The following IL12RB2 variants were observed in gnomAD, a reference collection of about 807,000 sequenced individuals.
IL12RB2 encodes the protein interleukin 12 receptor subunit beta 2, also known as interleukin-12 receptor subunit beta-2.
A neutral mutation model predicts 89.4 loss-of-function variants in IL12RB2; 82 were observed. The ratio of observed to expected loss-of-function variants is 0.92; its 90% confidence interval spans 0.77 to 1.10. The LOEUF is 1.10. IL12RB2 is among the 50% of genes least tolerant of loss of function. The pLI is 0.00. For missense variants in IL12RB2, 963 were observed against 1,031.9 expected (o/e 0.93, Z 0.92); for synonymous variants, 368 against 370.1 (o/e 0.99, Z 0.07).
chr1:67,378,848 CAAA>C (rs56260019), intron 13 of IL12RB2, among the ~76,000 whole-genome samples: 1 of 91,924 alleles, frequency 1.1e-5, no homozygotes, highest in Non-Finnish European at 2.0e-5. Flanking sequence ...AGACTCTTCT[CAAA>C]AAAAAAAAAA....
At chr1:67,332,440 T>C (rs1199425341) in intron 8 of IL12RB2, among the ~76,000 whole-genome samples, 1 of 152,178 alleles carries the variant, frequency 6.6e-6, no homozygotes, top group African/African-American at 2.4e-5. Context: ...GGTCTCGAAC[T>C]CTTGACCTCA....
At chr1:67,391,969 C>T (rs1382342972) in intron 16 of IL12RB2, among the ~76,000 whole-genome samples, 1 of 152,116 alleles carries the variant, frequency 6.6e-6, no homozygotes, top group Non-Finnish European at 1.5e-5. Context: ...TCTTCATTTT[C>T]CGCATGAGGA....
At chr1:67,340,007 T>C (rs1252562129) in intron 9 of IL12RB2, among the ~76,000 whole-genome samples, 1 of 151,476 alleles carries the variant, frequency 6.6e-6, no homozygotes, top group East Asian at 1.9e-4. Flanking sequence ...TTTGGAATTA[T>C]GAATCTGAAT....
chr1:67,374,033 C>A (rs1253636899), intron 13 of IL12RB2, among the ~76,000 whole-genome samples: 1 of 152,144 alleles, frequency 6.6e-6, no homozygotes, highest in Admixed American at 6.5e-5. Flanking sequence ...CACACTTAGG[C>A]TGTTAACAGT....
At chr1:67,321,180 A>T (rs1656468391) in intron 3 of IL12RB2, among the ~76,000 whole-genome samples, 1 of 151,808 alleles carries the variant, frequency 6.6e-6, no homozygotes, top group Non-Finnish European at 1.5e-5. Flanking sequence ...TTTTCTTGGT[A>T]CAAGTATTTA....
intron 4 of IL12RB2, among the ~76,000 whole-genome samples, chr1:67,324,893 A>T (rs914704163): frequency 6.6e-6 from 1 of 152,124 alleles, no homozygotes; most frequent in African/African-American, 2.4e-5. Context: ...GTTGAGAAAG[A>T]CTCTGATGTT....
At position 67,397,684 on chromosome 1, in the gene IL12RB2, A is replaced by G. The variant is rs937021797; in HGVS notation, c.*1595A>G. Among the ~76,000 whole-genome samples, 10 of 152,198 alleles carry G rather than the reference A, an allele frequency of 6.6e-5. No homozygotes were observed. Among genetic ancestry groups the G allele is most frequent in the Non-Finnish European group, 1.3e-4 (9 of 68,030 alleles). ...AACTAGTGGAGAAGTCTTGGTCTAA[A>G]CTGCTAATAATGCTCTTCCCTAAAG... On this transcript the variant is annotated 3_prime_UTR_variant, in exon 17 of 17. Coordinates refer to ENST00000674203, the MANE Select transcript of IL12RB2 (RefSeq NM_001374259.2).
intron 14 of IL12RB2, among the ~76,000 whole-genome samples, chr1:67,383,234 C>T (rs1240625669): frequency 6.6e-6 from 1 of 152,004 alleles, no homozygotes; most frequent in Non-Finnish European, 1.5e-5. Flanking sequence ...CTTGTGAGAA[C>T]TCACTCACTA....
chr1:67,325,653 C>T (rs1657184167), intron 4 of IL12RB2, among the ~76,000 whole-genome samples: 1 of 152,236 alleles, frequency 6.6e-6, no homozygotes, highest in Non-Finnish European at 1.5e-5. Flanking sequence ...TCAACTGAAG[C>T]TCTGACTTGT....
At chr1:67,314,379 TCTTA>T (rs1282726260) in intron 2 of IL12RB2, among the ~76,000 whole-genome samples, 15 of 152,200 alleles carry the variant, frequency 9.9e-5, no homozygotes, top group Admixed American at 7.9e-4. Context: ...TCAGTGGGGT[TCTTA>T]CTTTGTGCTA....
chr1:67,332,923 C>T (rs1658284213), intron 8 of IL12RB2, among the ~76,000 whole-genome samples: 1 of 152,116 alleles, frequency 6.6e-6, no homozygotes, highest in African/African-American at 2.4e-5. Flanking sequence ...AAGTGTTTGT[C>T]TTTTGAATTA....
chr1:67,382,156 A>C (rs1325834608), intron 14 of IL12RB2, among the ~76,000 whole-genome samples: 2 of 152,216 alleles, frequency 1.3e-5, no homozygotes. Context: ...CCAAGGTGGG[A>C]GGATTGATTG....
At chr1:67,329,059 G>A (rs1657706305) in intron 6 of IL12RB2, among the ~76,000 whole-genome samples, 1 of 152,186 alleles carries the variant, frequency 6.6e-6, no homozygotes, top group Admixed American at 6.5e-5. Flanking sequence ...CTAACGATGA[G>A]TCTGATCATT....
At chr1:67,393,706 G>A (rs749796291) in intron 16 of IL12RB2, among the ~76,000 whole-genome samples, 1 of 152,192 alleles carries the variant, frequency 6.6e-6, no homozygotes, top group African/African-American at 2.4e-5. Context: ...CATGTCCAAG[G>A]CAAGGGAGGG....
In IL12RB2 at chr1:67,321,647, T is replaced by C; in HGVS notation, c.122T>C (p.Ile41Thr). ...GDVTVKPSHV[I>T]LLGSTVNITC... ...GTGACTGTGAAGCCTTCCCATGTAA[T>C]TTTACTTGGATCCACTGTCAATATT... Residue 41 changes from isoleucine to threonine, a missense_variant, in exon 4 of 17, where the codon ATT (isoleucine) becomes ACT (threonine). Coordinates refer to ENST00000674203, the MANE Select transcript of IL12RB2 (RefSeq NM_001374259.2). The C allele has an allele frequency of 6.2e-7, 1 of 1,604,404 alleles. No homozygotes were observed. Among genetic ancestry groups the C allele is most frequent in the Non-Finnish European group, 8.5e-7 (1 of 1,171,128 alleles).
At chr1:67,373,926 A>AG (rs1196566836) in intron 13 of IL12RB2, among the ~76,000 whole-genome samples, 2 of 152,248 alleles carry the variant, frequency 1.3e-5, no homozygotes, top group Non-Finnish European at 2.9e-5. Flanking sequence ...AGAGGTCCGC[A>AG]GTGTGACTTT....
At position 67,330,674 on chromosome 1, in the gene IL12RB2, G is replaced by A; in HGVS notation, c.822G>A (p.Lys274=). The A allele has an allele frequency of 6.5e-7, 1 of 1,541,680 alleles. No individual in the cohort carries two copies. Among genetic ancestry groups the A allele is most frequent in the Non-Finnish European group, 9.0e-7 (1 of 1,114,850 alleles). ...SRLWNMVNVT[K]AKGRHDLLDL... is the part of the protein sequence containing the mutation. Reference sequence around the variant, plus strand: ...TCTGTTTCAAGGTTAATGTTACAAAGGCCAAAGGAAGACATGATTTGCTGG... The same window carrying A: ...TCTGTTTCAAGGTTAATGTTACAAAAGCCAAAGGAAGACATGATTTGCTGG... Residue 274 remains lysine (K), a synonymous_variant, in exon 8 of 17, where the codon AAG becomes AAA. Coordinates refer to ENST00000674203, the MANE Select transcript of IL12RB2 (RefSeq NM_001374259.2).
intron 1 of IL12RB2, among the ~76,000 whole-genome samples, chr1:67,311,896 A>T (rs1226236508): frequency 1.3e-5 from 2 of 152,224 alleles, no homozygotes; most frequent in African/African-American, 2.4e-5. Context: ...GTAGTACTTT[A>T]TGAAAATACT....
At chr1:67,311,943 G>A (rs1655115915) in intron 1 of IL12RB2, among the ~76,000 whole-genome samples, 1 of 152,108 alleles carries the variant, frequency 6.6e-6, no homozygotes, top group Non-Finnish European at 1.5e-5. Flanking sequence ...AACTTGGCCA[G>A]GACTTTGCAA....
Sources: allele counts gnomAD v4.1 joint callset (sites outside exome capture counted in the v4.1 genomes callset), GRCh38; gene constraint gnomAD v4.1.1; transcripts MANE v1.5; gene names NCBI Gene and HGNC (gene_info 2026-07-23, HGNC 2026-07-21).